Variants in NDFIP2 observed in about 807,000 individuals in gnomAD.
The protein encoded by NDFIP2 is Nedd4 family interacting protein 2, also known as NEDD4 family-interacting protein 2.
Under a neutral mutation model 36.0 loss-of-function variants are expected in NDFIP2, and 19 were observed. The observed-to-expected ratio is 0.53, with a 90% CI of 0.37 to 0.77. The LOEUF (loss-of-function observed/expected upper bound fraction) is 0.77. NDFIP2 is among the 30% of genes least tolerant of loss of function. The pLI is 0.00. For missense variants in NDFIP2, 446 were observed against 435.8 expected (o/e 1.02, Z -0.21); for synonymous variants, 181 against 167.7 (o/e 1.08, Z -0.61).
In NDFIP2 at chr13:79,481,400, C is replaced by T. The variant is rs2079811612; in HGVS notation, c.197C>T (p.Ala66Val). 1.3e-6 allele frequency: 2 copies of T among 1,555,784 alleles called. No individual in the cohort carries two copies. The highest frequency in any genetic ancestry group is 2.7e-5 in the African/African-American group (2 of 73,714). The part of the protein sequence containing the change: ...CRNGGGRGPA[A>V]TTSSTGVAVG... ...AACGGAGGCGGAAGGGGCCCTGCGG[C>T]GACGACGTCGTCGACGGGGGTGGCC... Residue 66 changes from alanine to valine, a missense_variant, in exon 1 of 8, where the codon GCG becomes GTG. Transcript: ENST00000218652.
chr13:79,481,782 G>C (rs906893063), intron 1 of NDFIP2, among the ~76,000 whole-genome samples: 4 of 151,880 alleles, frequency 2.6e-5, no homozygotes, highest in Non-Finnish European at 5.9e-5. Context: ...GCTGTGAGAC[G>C]CCCTCCCTCC....
chr13:79,544,645 T>C (rs531325499), intron 5 of NDFIP2, among the ~76,000 whole-genome samples: 6 of 152,264 alleles, frequency 3.9e-5, no homozygotes, highest in African/African-American at 1.4e-4. Context: ...TAAACATTGA[T>C]TTCTAATTGA....
At position 79,518,431 on chromosome 13, in the gene NDFIP2, A is replaced by G. The variant is rs1006193346; in HGVS notation, c.322-2379A>G. ...ATAATACATTCACTATCTCACAAAA[A>G]TGTTTTGCTAGTGTGATCATTTACC... On this transcript the variant is annotated intron_variant, in intron 1 of 7. Transcript: ENST00000218652. Among the ~76,000 whole-genome samples, 4 of 152,198 alleles carry G rather than the reference A, an allele frequency of 2.6e-5. No individual in the cohort carries two copies. In the East Asian group the frequency reaches 7.7e-4, roughly 29 times the overall value.
intron 6 of NDFIP2, among the ~76,000 whole-genome samples, chr13:79,548,608 C>T (rs769473347): frequency 4.6e-5 from 7 of 151,948 alleles, no homozygotes; most frequent in African/African-American, 4.8e-5. Context: ...GAGTCAGTGG[C>T]GGGATGATAA....
chr13:79,531,219 A>C (rs1371043295), intron 2 of NDFIP2, among the ~76,000 whole-genome samples: 2 of 152,238 alleles, frequency 1.3e-5, no homozygotes, highest in Non-Finnish European at 2.9e-5. Flanking sequence ...CTGAGCTTTC[A>C]ACAGTGGACT....
intron 3 of NDFIP2, among the ~76,000 whole-genome samples, chr13:79,535,272 C>T (rs1344912797): frequency 6.6e-6 from 1 of 151,982 alleles, no homozygotes; most frequent in Admixed American, 6.6e-5. Flanking sequence ...GTATTATGGA[C>T]CGTAGATCAT....
intron 2 of NDFIP2, among the ~76,000 whole-genome samples, chr13:79,523,505 C>T (rs1221379507): frequency 2.0e-5 from 3 of 152,194 alleles, no homozygotes; most frequent in Admixed American, 2.0e-4. Context: ...CAGGCATGAG[C>T]CACTGCGCCC....
chr13:79,516,830 C>G (rs891630209), intron 1 of NDFIP2, among the ~76,000 whole-genome samples: 1 of 152,070 alleles, frequency 6.6e-6, no homozygotes, highest in Non-Finnish European at 1.5e-5. Context: ...TATCTTGGTT[C>G]TTTTAGAGAA....
chr13:79,529,227 G>A (rs1874916034), intron 2 of NDFIP2, among the ~76,000 whole-genome samples: 2 of 152,106 alleles, frequency 1.3e-5, no homozygotes, highest in African/African-American at 2.4e-5. Flanking sequence ...CTCTGGTTGA[G>A]AACCACTCTT....
chr13:79,494,247 TGTAAA>T (rs774712970), intron 1 of NDFIP2, among the ~76,000 whole-genome samples: 3 of 151,946 alleles, frequency 2.0e-5, no homozygotes, highest in Admixed American at 6.6e-5. Context: ...ATCCCTCATC[TGTAAA>T]GTAAAGACAG....
chr13:79,501,583 C>T (rs1434282571), intron 1 of NDFIP2, among the ~76,000 whole-genome samples: 1 of 152,020 alleles, frequency 6.6e-6, no homozygotes, highest in Non-Finnish European at 1.5e-5. Context: ...TATATGTGTT[C>T]GTCTTCGATA....
At chr13:79,490,232 G>C (rs1218407677) in intron 1 of NDFIP2, among the ~76,000 whole-genome samples, 1 of 152,136 alleles carries the variant, frequency 6.6e-6, no homozygotes, top group East Asian at 1.9e-4. Flanking sequence ...GGTGAGCTGA[G>C]GTGTCAGGCC....
chr13:79,533,109 C>T (rs117896584), intron 2 of NDFIP2, among the ~76,000 whole-genome samples: 63 of 152,130 alleles, frequency 4.1e-4, no homozygotes, highest in Non-Finnish European at 5.6e-4. Flanking sequence ...AGCCTTTAAA[C>T]GGTATTTATC....
intron 2 of NDFIP2, among the ~76,000 whole-genome samples, chr13:79,526,095 A>G (rs934306388): frequency 6.6e-6 from 1 of 152,170 alleles, no homozygotes; most frequent in Non-Finnish European, 1.5e-5. Context: ...TGCTGGTAGT[A>G]TGACTAAGGT....
chr13:79,547,130 T>C (rs1875716193), intron 5 of NDFIP2, among the ~76,000 whole-genome samples: 1 of 152,034 alleles, frequency 6.6e-6, no homozygotes, highest in Non-Finnish European at 1.5e-5. Context: ...TAATTGGAAA[T>C]ACTTCCTGAG....
At chr13:79,548,771 T>A (rs1594861373) in intron 6 of NDFIP2, among the ~76,000 whole-genome samples, 1 of 152,046 alleles carries the variant, frequency 6.6e-6, no homozygotes, top group East Asian at 1.9e-4. Flanking sequence ...TATTTTTTGA[T>A]CATGGAAACA....
intron 1 of NDFIP2, among the ~76,000 whole-genome samples, chr13:79,492,252 C>CTT (rs780442571): frequency 1.5e-5 from 2 of 133,976 alleles, no homozygotes; most frequent in Non-Finnish European, 3.2e-5. Flanking sequence ...GTAGTGACAC[C>CTT]TTTTTTTTTT....
chr13:79,481,278 G>A lies in NDFIP2; in HGVS notation c.75G>A (p.Glu25=), dbSNP rs1216034759. The change falls in exon 1 of 8, where the codon GAG becomes GAA. Residue 25 remains glutamate, a synonymous_variant. Coordinates refer to ENST00000218652, the MANE Select transcript of NDFIP2 (RefSeq NM_019080.3). ...SMLNSARGAP[E]LLRGTATNAE... ...TCAATAGCGCGCGCGGCGCCCCGGA[G>A]CTTCTCCGCGGAACCGCGACCAACG... 3.9e-6 allele frequency: 6 copies of A among 1,537,790 alleles called. No individual in the cohort carries two copies. The highest frequency in any genetic ancestry group is 3.3e-4 in the Middle Eastern group (2 of 6,006).
intron 3 of NDFIP2, among the ~76,000 whole-genome samples, chr13:79,534,306 A>G (rs1453465374): frequency 6.6e-6 from 1 of 151,480 alleles, no homozygotes. Context: ...TAGCCAAAAA[A>G]CACAGAGAAA....
Sources: allele counts gnomAD v4.1 joint callset (sites outside exome capture counted in the v4.1 genomes callset), GRCh38; gene constraint gnomAD v4.1.1; transcripts MANE v1.5; gene names NCBI Gene and HGNC (gene_info 2026-07-23, HGNC 2026-07-21).